Variants in NBEA observed in about 807,000 individuals in gnomAD.
NBEA encodes lysosomal-trafficking regulator 2.
NBEA carries 44 observed loss-of-function variants against 343.4 expected under a neutral mutation model. The observed-to-expected ratio is 0.13, with a 90% confidence interval of 0.10 to 0.16. NBEA has a LOEUF of 0.16. Among genes scored for constraint, NBEA ranks in the 10% least tolerant of loss-of-function variants. The pLI is 1.00. For missense variants in NBEA, 2,555 were observed against 3,631.3 expected (o/e 0.70, Z 7.62); for synonymous variants, 1,175 against 1,238.7 (o/e 0.95, Z 1.08).
rs530228034 is a variant in NBEA at position 35,057,349 on chromosome 13, A to G, written c.1092+1220A>G. 3.4e-3 allele frequency among the ~76,000 whole-genome samples: 516 copies of G among 152,226 alleles called. 3 individuals are homozygous for G. The highest frequency in any genetic ancestry group is 0.012 in the African/African-American group (488 of 41,550). ...ATTGGGGCTGGGCAGACTACACCCT[A>G]TGAGCCAAATCTGACCCTCCCCCTG... On this transcript the variant is annotated intron_variant, in intron 7 of 58. Transcript: ENST00000379939.
chr13:35,646,388 T>A (rs1373546017), intron 51 of NBEA, 40 bp downstream of exon 51: 4 of 1,428,342 alleles, frequency 2.8e-6, no homozygotes, highest in Admixed American at 3.5e-5. Flanking sequence ...TTTTCTTTCC[T>A]TTTTACCTGG....
intron 35 of NBEA, among the ~76,000 whole-genome samples, chr13:35,302,203 T>A (rs1479848484): frequency 3.9e-5 from 6 of 152,246 alleles, no homozygotes; most frequent in African/African-American, 1.4e-4. Context: ...GATAATTTTT[T>A]AATTTTTTGT....
chr13:35,518,726 G>C (rs1004061951), intron 41 of NBEA, among the ~76,000 whole-genome samples: 12 of 152,166 alleles, frequency 7.9e-5, no homozygotes. Flanking sequence ...GAGCACACAT[G>C]GTTGCCCTAC....
chr13:35,425,670 A>T (rs9530567), intron 38 of NBEA, among the ~76,000 whole-genome samples: 1 of 151,884 alleles, frequency 6.6e-6, no homozygotes, highest in Non-Finnish European at 1.5e-5. Flanking sequence ...GGTCCTCTTG[A>T]TGCAGAGCTG....
chr13:35,315,949 A>T (rs949963168), intron 36 of NBEA, among the ~76,000 whole-genome samples: 1 of 152,076 alleles, frequency 6.6e-6, no homozygotes, highest in Non-Finnish European at 1.5e-5. Context: ...AAAACTTCCA[A>T]ATCTGTAAAA....
chr13:35,527,038 C>G (rs889859446), intron 41 of NBEA, among the ~76,000 whole-genome samples: 5 of 152,130 alleles, frequency 3.3e-5, no homozygotes, highest in Non-Finnish European at 5.9e-5. Context: ...CTCTCCTTCT[C>G]TCTTCTCTCC....
chr13:35,008,530 C>G (rs1276864398), intron 1 of NBEA, among the ~76,000 whole-genome samples: 1 of 152,054 alleles, frequency 6.6e-6, no homozygotes, highest in Non-Finnish European at 1.5e-5. Flanking sequence ...CATTTATTCC[C>G]CAAATATTTT....
At chr13:35,256,690 G>A (rs1325903360) in intron 34 of NBEA, among the ~76,000 whole-genome samples, 1 of 152,202 alleles carries the variant, frequency 6.6e-6, no homozygotes, top group Non-Finnish European at 1.5e-5. Context: ...TCTGGAGGGG[G>A]CCAAGGTGAT....
intron 44 of NBEA, among the ~76,000 whole-genome samples, chr13:35,565,002 C>T (rs9530708): frequency 0.52 from 78,625 of 152,030 alleles, 20,891 homozygotes; most frequent in East Asian, 0.85. Context: ...CCAGCCCTGA[C>T]ATTTATGAGT....
At chr13:35,390,309 G>C (rs1019684502) in intron 38 of NBEA, among the ~76,000 whole-genome samples, 17 of 152,028 alleles carry the variant, frequency 1.1e-4, no homozygotes, top group African/African-American at 4.1e-4. Context: ...TTTCTCAAAG[G>C]CAAAAATAAG....
chr13:35,146,561 C>A (rs1020382436), intron 18 of NBEA, among the ~76,000 whole-genome samples: 9 of 152,074 alleles, frequency 5.9e-5, no homozygotes, highest in Admixed American at 4.6e-4. Context: ...TTTCCAGTGG[C>A]CCTCCTGCTT....
intron 8 of NBEA, among the ~76,000 whole-genome samples, chr13:35,067,215 A>G (rs191497841): frequency 2.8e-3 from 419 of 152,182 alleles, no homozygotes; most frequent in Non-Finnish European, 4.5e-3. Context: ...TGTTATATTG[A>G]TCTTCTGATT....
intron 46 of NBEA, among the ~76,000 whole-genome samples, chr13:35,588,381 T>G (rs1298367071): frequency 6.6e-6 from 1 of 152,234 alleles, no homozygotes; most frequent in East Asian, 1.9e-4. Context: ...CATTAAAATT[T>G]GGGTCACTAA....
At chr13:35,238,405 C>T (rs1271656496) in intron 34 of NBEA, among the ~76,000 whole-genome samples, 4 of 152,206 alleles carry the variant, frequency 2.6e-5, no homozygotes, top group African/African-American at 4.8e-5. Flanking sequence ...GTCTTTTATT[C>T]TCTCTGTGTA....
intron 2 of NBEA, among the ~76,000 whole-genome samples, chr13:35,042,795 A>G (rs1175530783): frequency 6.6e-6 from 1 of 151,858 alleles, no homozygotes; most frequent in Non-Finnish European, 1.5e-5. Flanking sequence ...CCTCTGTCTT[A>G]CTTTTTAATA....
intron 38 of NBEA, among the ~76,000 whole-genome samples, chr13:35,383,480 G>A (rs2042104343): frequency 6.6e-6 from 1 of 152,144 alleles, no homozygotes; most frequent in African/African-American, 2.4e-5. Context: ...TTGTCAATGT[G>A]TAGCTGGAAA....
intron 38 of NBEA, among the ~76,000 whole-genome samples, chr13:35,382,036 A>C (rs2042038693): frequency 6.6e-6 from 1 of 152,190 alleles, no homozygotes; most frequent in South Asian, 2.1e-4. Context: ...GTCATATGAT[A>C]CTAAATGTTA....
At chr13:35,054,324 A>G (rs1448888893) in intron 6 of NBEA, among the ~76,000 whole-genome samples, 2 of 152,064 alleles carry the variant, frequency 1.3e-5, no homozygotes. Context: ...TTTTCCTTAA[A>G]TTTATTTGAC....
chr13:35,166,637 G>C (rs925023584), intron 24 of NBEA, among the ~76,000 whole-genome samples: 2 of 152,076 alleles, frequency 1.3e-5, no homozygotes. Context: ...GCTTCCTTAA[G>C]AGAAATAGCC....
Sources: allele counts gnomAD v4.1 joint callset (sites outside exome capture counted in the v4.1 genomes callset), GRCh38; gene constraint gnomAD v4.1.1; transcripts MANE v1.5; gene names NCBI Gene and HGNC (gene_info 2026-07-23, HGNC 2026-07-21).